DHRS4: variants seen among roughly 807,000 people sequenced by gnomAD.
DHRS4 encodes the protein dehydrogenase/reductase 4.
DHRS4 carries 20 observed loss-of-function variants against 28.4 expected under a neutral mutation model. The ratio of observed to expected loss-of-function variants is 0.71; its 90% CI spans 0.50 to 1.02. The LOEUF (loss-of-function observed/expected upper bound fraction) is 1.02, where lower values mean the gene tolerates loss of function less well. Ranked by LOEUF, DHRS4 falls within the 50% of genes least tolerant of loss-of-function variation. The pLI is 0.00. For synonymous variants in DHRS4, 144 were observed against 146.4 expected (o/e 0.98, Z 0.12); for missense variants, 378 against 367.2 (o/e 1.03, Z -0.24).
chr14:23,968,775 T>C lies in DHRS4; in HGVS notation c.741T>C (p.Asp247=), dbSNP rs779744772. 5.6e-6 allele frequency: 9 copies of C among 1,605,240 alleles called. No homozygotes were observed. Among genetic ancestry groups the C allele is most frequent in the South Asian group, 3.4e-5 (3 of 89,486 alleles). ...LRIRRLGEPE[D]CAGIVSFLCS... is the part of the protein sequence containing the mutation. ...TCCCCAGGTTAGGCGAGCCAGAGGATTGTGCTGGCATCGTGTCTTTCCTGT... is the reference window on the plus strand; with the variant it reads ...TCCCCAGGTTAGGCGAGCCAGAGGACTGTGCTGGCATCGTGTCTTTCCTGT... Residue 247 remains aspartate, a synonymous_variant, in exon 8 of 8, where the codon GAT becomes GAC. Transcript: ENST00000313250.
Position 23,957,666 on chromosome 14 carries a change from C to T in DHRS4, c.307-2236C>T, listed in dbSNP as rs562808720. On this transcript the variant is annotated intron_variant, in intron 2 of 7. Coordinates refer to ENST00000313250, the MANE Select transcript of DHRS4 (RefSeq NM_021004.4). ...CGAAGTCCTGAACTCAAGCAATCCTCCCACCTCAGCCTCCCAAGTGGCTAA... is the reference window on the plus strand; with the variant it reads ...CGAAGTCCTGAACTCAAGCAATCCTTCCACCTCAGCCTCCCAAGTGGCTAA... Among the ~76,000 whole-genome samples, 265 of 149,928 alleles carry T rather than the reference C, an allele frequency of 1.8e-3. 1 individual carries two copies. The highest frequency in any genetic ancestry group is 6.8e-3 in the Middle Eastern group (2 of 294).
chr14:23,966,170 C>T (rs144699441), intron 5 of DHRS4, 113 bp from the exon 6 acceptor site: 24,207 of 1,575,074 alleles, frequency 0.015, 267 homozygotes, highest in Non-Finnish European at 0.019. Flanking sequence ...AGTTCCCTAA[C>T]TCTGCCCCTC....
chr14:23,956,229 G>A (rs144247892), intron 2 of DHRS4, among the ~76,000 whole-genome samples: 48 of 152,294 alleles, frequency 3.2e-4, no homozygotes, highest in African/African-American at 1.1e-3. Flanking sequence ...CCCAAGATTG[G>A]GGCCTTGATC....
Position 23,959,986 on chromosome 14 carries a change from G to T in DHRS4, c.391G>T (p.Glu131Ter). ...PFFGSIMDVTEEVWDKTLDIN... is the reference protein window; with the variant it reads ...PFFGSIMDVT ...CTTTGGAAGCATAATGGATGTCACT[G>T]AGGAGGTGTGGGACAAGGTGAGAGG... Residue 131 changes from glutamate to a stop codon, truncating the protein, a stop_gained, in exon 3 of 8, where the codon GAG becomes TAG. Coordinates refer to ENST00000313250, the MANE Select transcript of DHRS4 (RefSeq NM_021004.4). LOFTEE classifies it high-confidence loss of function. 6.2e-7 allele frequency: 1 copy of T among 1,611,938 alleles called. No homozygotes were observed. The highest frequency in any genetic ancestry group is 1.1e-5 in the South Asian group (1 of 91,050).
chr14:23,964,220 T>TAAAAAAA (rs71119059), intron 3 of DHRS4, among the ~76,000 whole-genome samples: 8 of 34,490 alleles, frequency 2.3e-4, no homozygotes, highest in African/African-American at 3.7e-4. Flanking sequence ...CTGCAATTTG[T>TAAAAAAA]AAAAAAAAAA....
chr14:23,964,242 A>AC (rs2138466129), intron 3 of DHRS4, among the ~76,000 whole-genome samples: 1 of 134,812 alleles, frequency 7.4e-6, no homozygotes, highest in African/African-American at 3.0e-5. Context: ...AAAAAAAAAA[A>AC]AAAAAAAAAA....
Position 23,969,125 on chromosome 14 carries a change from T to C in DHRS4, c.*254T>C. Reference sequence around the variant, plus strand: ...GCCTGCTGACAAGGCTGAGTCTACCTTGGCAAAGACCAAGATATTTTTTCC... The same window carrying C: ...GCCTGCTGACAAGGCTGAGTCTACCCTGGCAAAGACCAAGATATTTTTTCC... On this transcript the variant is annotated 3_prime_UTR_variant, in exon 8 of 8. Transcript: ENST00000313250. 2.0e-6 allele frequency: 1 copy of C among 506,444 alleles called. No individual in the cohort carries two copies. The highest frequency in any genetic ancestry group is 3.2e-6 in the Non-Finnish European group (1 of 308,488). The allele number at this position is 506,444 out of a possible 1,614,324, so 31.4% of individuals were successfully genotyped here.
Position 23,953,896 on chromosome 14 carries a change from G to A in DHRS4, c.108G>A (p.Leu36=), listed in dbSNP as rs747594038. 5.6e-6 allele frequency: 9 copies of A among 1,602,734 alleles called. No homozygotes were observed. In the South Asian group the frequency reaches 1.0e-4, roughly 18 times the overall value. The part of the protein sequence containing the change: ...RRDPLANKVA[L]VTASTDGIGF... ...ACCCGCTCGCAAATAAGGTGGCCCT[G>A]GTAACGGCCTCCACCGACGGGTGAG... The change falls in exon 1 of 8, where the codon CTG becomes CTA. Residue 36 remains leucine, a synonymous_variant. Transcript: ENST00000313250.
chr14:23,960,130 A>G, intron 3 of DHRS4, 127 bp downstream of exon 3: 1 of 902,430 alleles, frequency 1.1e-6, no homozygotes, highest in Non-Finnish European at 1.8e-6. Flanking sequence ...GCCACGTGCC[A>G]CACACCTGGA....
At position 23,953,814 on chromosome 14, in the gene DHRS4, T is replaced by C. The variant is rs763445367; in HGVS notation, c.26T>C (p.Leu9Pro). 2.6e-5 allele frequency: 42 copies of C among 1,613,998 alleles called. No individual in the cohort carries two copies. The Admixed American group carries it at 6.8e-4, about 26-fold the overall frequency. MHKAGLLG[L>P]CARAWNSVRM... ...ATGCACAAGGCGGGGCTGCTAGGCCTCTGTGCCCGGGCTTGGAATTCGGTG... is the reference window on the plus strand; with the variant it reads ...ATGCACAAGGCGGGGCTGCTAGGCCCCTGTGCCCGGGCTTGGAATTCGGTG... Residue 9 changes from leucine (L) to proline (P), a missense_variant, in exon 1 of 8, where the codon CTC becomes CCC. Physicochemically the swap from Leu to Pro is moderately conservative, Grantham distance 98. Transcript: ENST00000313250.
intron 1 of DHRS4, among the ~76,000 whole-genome samples, chr14:23,954,783 A>G (rs113151112): frequency 0.013 from 1,970 of 152,314 alleles, 47 homozygotes; most frequent in African/African-American, 0.045. Flanking sequence ...CCTGTCACCC[A>G]TGGTGGGAAC....
At chr14:23,966,941 G>A (rs1323104049) in intron 6 of DHRS4, among the ~76,000 whole-genome samples, 1 of 152,230 alleles carries the variant, frequency 6.6e-6, no homozygotes, top group African/African-American at 2.4e-5. Flanking sequence ...AGATCACGAG[G>A]TCAGGAGGTC....
intron 2 of DHRS4, among the ~76,000 whole-genome samples, chr14:23,957,557 CTT>C (rs879428780): frequency 2.0e-5 from 2 of 100,124 alleles, no homozygotes; most frequent in Non-Finnish European, 3.4e-5. Flanking sequence ...GAAGACTTTC[CTT>C]TTTTTTTTTT....
At chr14:23,956,599 C>CTTTTT (rs1229716867) in intron 2 of DHRS4, among the ~76,000 whole-genome samples, 1 of 116,974 alleles carries the variant, frequency 8.5e-6, no homozygotes, top group Non-Finnish European at 1.7e-5. Context: ...CCTCCATATC[C>CTTTTT]TTTTTTTTTT....
chr14:23,963,908 G>A (rs2033511203), intron 3 of DHRS4, among the ~76,000 whole-genome samples: 1 of 150,856 alleles, frequency 6.6e-6, no homozygotes, highest in Non-Finnish European at 1.5e-5. Context: ...TAATTTCAAT[G>A]TAAATGTGTC....
chr14:23,953,799 C>T lies in DHRS4; in HGVS notation c.11C>T (p.Ala4Val). The change falls in exon 1 of 8, where the codon GCG becomes GTG. Residue 4 changes from alanine to valine, a missense_variant. Physicochemically the swap from Ala to Val is moderately conservative, Grantham distance 64. Coordinates refer to ENST00000313250, the MANE Select transcript of DHRS4 (RefSeq NM_021004.4). Reference sequence around the variant, plus strand: ...TTGCTGGTCTGATCCATGCACAAGGCGGGGCTGCTAGGCCTCTGTGCCCGG... The same window carrying T: ...TTGCTGGTCTGATCCATGCACAAGGTGGGGCTGCTAGGCCTCTGTGCCCGG... The part of the protein sequence containing the change: MHK[A>V]GLLGLCARAW... The T allele has an allele frequency of 6.2e-7, 1 of 1,614,030 alleles. No homozygotes were observed. The highest frequency in any genetic ancestry group is 8.5e-7 in the Non-Finnish European group (1 of 1,179,952).
At position 23,968,556 on chromosome 14, in the gene DHRS4, T is replaced by C. The variant is rs1002288883; in HGVS notation, c.723-201T>C. ...ATTTGAATATTATGGGTAATAGTTT[T>C]GCAGAGTACAGTATGCTTATACTAA... On this transcript the variant is annotated intron_variant, in intron 7 of 7. Coordinates refer to ENST00000313250, the MANE Select transcript of DHRS4 (RefSeq NM_021004.4). 6.6e-5 allele frequency among the ~76,000 whole-genome samples: 10 copies of C among 151,558 alleles called. 2 individuals are homozygous for C. The highest frequency in any genetic ancestry group is 2.0e-4 in the Admixed American group (3 of 15,258).
chr14:23,964,220 TAAAAAAAAAAAAAAAAAAAAA>T (rs71119059), intron 3 of DHRS4, among the ~76,000 whole-genome samples: 2 of 34,504 alleles, frequency 5.8e-5, no homozygotes, highest in Admixed American at 3.9e-4. Flanking sequence ...CTGCAATTTG[TAAAAAAAAAAAAAAAAAAAAA>T]AAAAAAAAAA....
Position 23,953,890 on chromosome 14 carries a change from G to A in DHRS4, c.102G>A (p.Val34=), listed in dbSNP as rs138972224. 2.5e-6 allele frequency: 4 copies of A among 1,606,918 alleles called. No homozygotes were observed. The highest frequency in any genetic ancestry group is 3.4e-6 in the Non-Finnish European group (4 of 1,176,952). Residue 34 remains valine, a synonymous_variant, in exon 1 of 8, where the codon GTG becomes GTA. Transcript: ENST00000313250. ...MTRRDPLANK[V]ALVTASTDGI... is the part of the protein sequence containing the mutation. Reference sequence around the variant, plus strand: ...GCCGGGACCCGCTCGCAAATAAGGTGGCCCTGGTAACGGCCTCCACCGACG... The same window carrying A: ...GCCGGGACCCGCTCGCAAATAAGGTAGCCCTGGTAACGGCCTCCACCGACG...
Sources: gnomAD v4.1 joint callset for allele counts (sites outside exome capture counted in the v4.1 genomes callset) on GRCh38, gnomAD v4.1.1 for gene constraint, MANE v1.5 for transcripts, NCBI Gene and HGNC (gene_info 2026-07-23, HGNC 2026-07-21) for gene names.